Variants in STAG1 observed in about 807,000 individuals in gnomAD.
STAG1 encodes the protein cohesin subunit SA-1.
STAG1 carries 26 observed loss-of-function variants against 170.9 expected under a neutral mutation model. The observed-to-expected ratio is 0.15, with a 90% CI of 0.11 to 0.21. STAG1 has a LOEUF of 0.21. STAG1 is among the 10% of genes least tolerant of loss of function. The pLI is 1.00. For synonymous variants in STAG1, 514 were observed against 497.7 expected (o/e 1.03, Z -0.44); for missense variants, 964 against 1,509.5 (o/e 0.64, Z 5.99).
chr3:136,638,055 G>A (rs556877134), intron 1 of STAG1, among the ~76,000 whole-genome samples: 2 of 151,100 alleles, frequency 1.3e-5, no homozygotes, highest in South Asian at 2.1e-4. Context: ...CTAAGTACAC[G>A]CCACTATGCC....
In STAG1 at chr3:136,714,938, A is replaced by AATATATAT. The variant is rs71714671; in HGVS notation, c.-84+37249_-84+37256dup. 2.0e-3 allele frequency among the ~76,000 whole-genome samples: 190 copies of AATATATAT among 95,698 alleles called. 2 individuals carry two copies. The highest frequency in any genetic ancestry group is 6.3e-3 in the African/African-American group (156 of 24,864). 62.8% of individuals were successfully genotyped at this position (95,698 alleles called of 152,430 possible). A position where few individuals can be genotyped will look rare whatever the true frequency, so the allele number is the denominator to read the frequency against. Reference sequence around the variant, plus strand: ...AAAAAAAAAACAAATATATATATTAAATATATATATATATATATATATATA... The same window carrying AATATATAT: ...AAAAAAAAAACAAATATATATATTAAATATATATATATATATATATATATATATATATA... On this transcript the variant is annotated intron_variant, in intron 1 of 33. Transcript: ENST00000383202.
intron 12 of STAG1, among the ~76,000 whole-genome samples, chr3:136,472,173 G>C (rs2107812168): frequency 6.6e-6 from 1 of 152,012 alleles, no homozygotes; most frequent in South Asian, 2.1e-4. Context: ...TTACATCATT[G>C]GTATTTTCTC....
At chr3:136,402,678 A>G (rs1047123705) in intron 21 of STAG1, among the ~76,000 whole-genome samples, 1 of 150,966 alleles carries the variant, frequency 6.6e-6, no homozygotes, top group African/African-American at 2.4e-5. Flanking sequence ...TAAAAATATA[A>G]AAAATTACCG....
At chr3:136,536,284 C>T (rs947110435) in intron 6 of STAG1, among the ~76,000 whole-genome samples, 3 of 152,094 alleles carry the variant, frequency 2.0e-5, no homozygotes, top group Admixed American at 2.0e-4. Flanking sequence ...CTATAACTTA[C>T]TGGATCAGCA....
At chr3:136,489,087 A>T (rs1361292642) in intron 9 of STAG1, among the ~76,000 whole-genome samples, 1 of 152,214 alleles carries the variant, frequency 6.6e-6, no homozygotes, top group Non-Finnish European at 1.5e-5. Flanking sequence ...AAAACTAAAC[A>T]TGAAGGCTTT....
chr3:136,393,623 T>A (rs1425930339), intron 22 of STAG1, among the ~76,000 whole-genome samples: 1 of 143,758 alleles, frequency 7.0e-6, no homozygotes, highest in Non-Finnish European at 1.5e-5. Context: ...AGACAGAGTC[T>A]CACTCTGTTG....
chr3:136,670,810 A>C (rs1314764382), intron 1 of STAG1, among the ~76,000 whole-genome samples: 2 of 152,054 alleles, frequency 1.3e-5, no homozygotes, highest in African/African-American at 4.8e-5. Context: ...TTTCAAGTAA[A>C]ATCATCTATA....
At chr3:136,372,613 T>G (rs565850998) in intron 23 of STAG1, among the ~76,000 whole-genome samples, 1 of 152,308 alleles carries the variant, frequency 6.6e-6, no homozygotes, top group African/African-American at 2.4e-5. Flanking sequence ...AATCATGTCG[T>G]TTTTGTCTTT....
chr3:136,420,468 G>T (rs2087919775), intron 20 of STAG1, among the ~76,000 whole-genome samples: 1 of 152,054 alleles, frequency 6.6e-6, no homozygotes, highest in Non-Finnish European at 1.5e-5. Context: ...AAAGTGCTGG[G>T]ATTATAAGGT....
chr3:136,680,965 T>A (rs1942314176), intron 1 of STAG1, among the ~76,000 whole-genome samples: 1 of 149,454 alleles, frequency 6.7e-6, no homozygotes, highest in South Asian at 2.2e-4. Context: ...TTTGCATATA[T>A]CCTACAAACA....
intron 1 of STAG1, among the ~76,000 whole-genome samples, chr3:136,650,727 T>C (rs1252032577): frequency 6.6e-6 from 1 of 152,062 alleles, no homozygotes; most frequent in Admixed American, 6.6e-5. Flanking sequence ...CAAACAAGTA[T>C]AAAGCTCTTA....
At chr3:136,452,936 C>T (rs551184244) in intron 13 of STAG1, among the ~76,000 whole-genome samples, 1 of 152,172 alleles carries the variant, frequency 6.6e-6, no homozygotes, top group East Asian at 1.9e-4. Flanking sequence ...ATTACAGGTG[C>T]CTGCCACTAT....
intron 1 of STAG1, among the ~76,000 whole-genome samples, chr3:136,714,403 G>A (rs1238025134): frequency 6.6e-6 from 1 of 151,974 alleles, no homozygotes; most frequent in Non-Finnish European, 1.5e-5. Flanking sequence ...TGAGAATCCT[G>A]GCAACGTACC....
chr3:136,363,294 G>T, intron 26 of STAG1, 72 bp downstream of exon 26: 1 of 768,234 alleles, frequency 1.3e-6, no homozygotes, highest in Non-Finnish European at 2.2e-6. Flanking sequence ...GAGATACCTA[G>T]CAAATATTAA....
intron 21 of STAG1, among the ~76,000 whole-genome samples, chr3:136,415,845 G>C (rs2087756576): frequency 6.6e-6 from 1 of 151,944 alleles, no homozygotes; most frequent in Non-Finnish European, 1.5e-5. Context: ...AAAAAGAAGT[G>C]GTTAAATACA....
intron 5 of STAG1, among the ~76,000 whole-genome samples, chr3:136,561,524 G>A (rs1226103390): frequency 6.6e-6 from 1 of 152,156 alleles, no homozygotes; most frequent in East Asian, 1.9e-4. Context: ...CTAACTGGCT[G>A]TAGGATAGTA....
At chr3:136,359,515 T>C (rs2108281490) in intron 26 of STAG1, among the ~76,000 whole-genome samples, 1 of 152,290 alleles carries the variant, frequency 6.6e-6, no homozygotes, top group African/African-American at 2.4e-5. Flanking sequence ...GACAGAAATT[T>C]GTTTCTAATA....
intron 8 of STAG1, among the ~76,000 whole-genome samples, chr3:136,502,199 A>G (rs893837453): frequency 2.0e-5 from 3 of 152,096 alleles, no homozygotes; most frequent in African/African-American, 7.2e-5. Flanking sequence ...AACAGTATAA[A>G]ATCATTTTTA....
chr3:136,591,526 G>T (rs1409882423), intron 4 of STAG1: 1 of 430,560 alleles, frequency 2.3e-6, no homozygotes. Context: ...GGACAACACT[G>T]ACCTATTTGA....
Sources: gnomAD v4.1 joint callset for allele counts (sites outside exome capture counted in the v4.1 genomes callset) on GRCh38, gnomAD v4.1.1 for gene constraint, MANE v1.5 for transcripts, NCBI Gene and HGNC (gene_info 2026-07-23, HGNC 2026-07-21) for gene names.